The following KCNH1 variants were observed in gnomAD, a reference collection of about 807,000 sequenced individuals.
KCNH1 encodes the protein voltage-gated delayed rectifier potassium channel KCNH1.
KCNH1 carries 27 observed loss-of-function variants against 69.2 expected under a neutral mutation model. That is an observed-to-expected ratio of 0.39 (90% confidence interval 0.29 to 0.54). KCNH1 has a LOEUF of 0.54. Ranked by LOEUF, KCNH1 falls within the 20% of genes least tolerant of loss-of-function variation. KCNH1 has a pLI of 0.68. For synonymous variants in KCNH1, 456 were observed against 487.7 expected (o/e 0.93, Z 0.86); for missense variants, 798 against 1,261.6 (o/e 0.63, Z 5.57).
At chr1:210,966,926 T>C (rs12140731) in intron 6 of KCNH1, among the ~76,000 whole-genome samples, 9,174 of 152,300 alleles carry the variant, frequency 0.06, 340 homozygotes, top group East Asian at 0.18. Context: ...TGTATGTTTA[T>C]TGTGGCACTG....
intron 6 of KCNH1, among the ~76,000 whole-genome samples, chr1:210,955,633 G>A (rs1023683811): frequency 1.3e-5 from 2 of 152,090 alleles, no homozygotes; most frequent in African/African-American, 4.8e-5. Flanking sequence ...TTGTAAGATG[G>A]ATTCCTAGGT....
intron 7 of KCNH1, among the ~76,000 whole-genome samples, chr1:210,846,911 T>G (rs2102461209): frequency 6.6e-6 from 1 of 152,200 alleles, no homozygotes; most frequent in South Asian, 2.1e-4. Context: ...CATCAAAAAG[T>G]GGGCGAAGGA....
intron 6 of KCNH1, among the ~76,000 whole-genome samples, chr1:211,000,332 A>T (rs921437957): frequency 6.6e-6 from 1 of 152,242 alleles, no homozygotes; most frequent in African/African-American, 2.4e-5. Flanking sequence ...ATACAAAATC[A>T]ATGTGCAAAA....
intron 9 of KCNH1, among the ~76,000 whole-genome samples, chr1:210,783,652 C>T (rs1473731652): frequency 6.6e-6 from 1 of 152,164 alleles, no homozygotes; most frequent in Non-Finnish European, 1.5e-5. Context: ...TAACTTGGAC[C>T]AGGAGGCCAA....
rs190354811 is a variant in KCNH1 at position 210,768,247 on chromosome 1, T to C, written c.2112+7101A>G. On this transcript the variant is annotated intron_variant, in intron 10 of 10. Coordinates refer to ENST00000271751, the MANE Select transcript of KCNH1 (RefSeq NM_172362.3). ...TATCATAATTATAGCCATATAAACA[T>C]TGAAAATTTGCCATGTCAAAGCATG... 1.5e-3 allele frequency among the ~76,000 whole-genome samples: 226 copies of C among 152,322 alleles called. 1 individual carries two copies. Among genetic ancestry groups the C allele is most frequent in the Non-Finnish European group, 2.8e-3 (192 of 68,022 alleles).
chr1:211,125,354 C>T (rs1691759148), intron 1 of KCNH1, among the ~76,000 whole-genome samples: 1 of 152,202 alleles, frequency 6.6e-6, no homozygotes, highest in Non-Finnish European at 1.5e-5. Flanking sequence ...TTGGCCCACA[C>T]AGAGGCTTAA....
intron 2 of KCNH1, among the ~76,000 whole-genome samples, chr1:211,106,970 C>T (rs995475686): frequency 5.3e-5 from 8 of 152,070 alleles, no homozygotes; most frequent in African/African-American, 1.9e-4. Context: ...TCTAAAATGC[C>T]GTAACTTTTG....
intron 6 of KCNH1, among the ~76,000 whole-genome samples, chr1:210,998,686 C>G (rs935069582): frequency 1.3e-5 from 2 of 152,204 alleles, no homozygotes; most frequent in African/African-American, 4.8e-5. Context: ...CAGAACTCTC[C>G]ACCCCAAATC....
In KCNH1 at chr1:211,107,531, T is replaced by C. The variant is rs17188881; in HGVS notation, c.80-154A>G. 0.19 allele frequency among the ~76,000 whole-genome samples: 29,454 copies of C among 152,128 alleles called. 3,076 individuals are homozygous for C. The highest frequency in any genetic ancestry group is 0.23 in the Non-Finnish European group (15,655 of 67,996). ...CAGAAATGTCGCCCTGTAAGGAATATAAAACAACATTGTTTTAGAAGTGAA... is the reference window on the plus strand; with the variant it reads ...CAGAAATGTCGCCCTGTAAGGAATACAAAACAACATTGTTTTAGAAGTGAA... On this transcript the variant is annotated intron_variant, in intron 1 of 10. Transcript: ENST00000271751.
intron 7 of KCNH1, among the ~76,000 whole-genome samples, chr1:210,845,032 A>G (rs554719467): frequency 1.7e-3 from 260 of 152,352 alleles, no homozygotes; most frequent in Non-Finnish European, 2.8e-3. Context: ...AACCAGGAAG[A>G]AGTTGAATCT....
intron 9 of KCNH1, among the ~76,000 whole-genome samples, chr1:210,783,225 C>T (rs1053413941): frequency 6.6e-6 from 1 of 152,140 alleles, no homozygotes; most frequent in Non-Finnish European, 1.5e-5. Context: ...GCAAAGGAAA[C>T]GCAAGGTTCC....
intron 6 of KCNH1, among the ~76,000 whole-genome samples, chr1:210,961,273 G>T (rs191786354): frequency 1.7e-3 from 253 of 151,798 alleles, no homozygotes; most frequent in Middle Eastern, 3.4e-3. Context: ...CCCAGCATGA[G>T]GCTTGTCTTT....
At chr1:211,096,313 C>T (rs1263940874) in intron 3 of KCNH1, among the ~76,000 whole-genome samples, 2 of 152,166 alleles carry the variant, frequency 1.3e-5, no homozygotes, top group Non-Finnish European at 2.9e-5. Context: ...ATCTGCCCGC[C>T]TTGGCCTCCC....
At chr1:210,974,471 G>A (rs774088044) in intron 6 of KCNH1, among the ~76,000 whole-genome samples, 3 of 151,550 alleles carry the variant, frequency 2.0e-5, no homozygotes, top group Non-Finnish European at 4.4e-5. Flanking sequence ...TAAGAATATT[G>A]GCTTGTTGTT....
At chr1:210,958,763 G>T (rs1688239086) in intron 6 of KCNH1, among the ~76,000 whole-genome samples, 1 of 152,156 alleles carries the variant, frequency 6.6e-6, no homozygotes, top group Non-Finnish European at 1.5e-5. Flanking sequence ...ACTCCATCAG[G>T]TCATTTAGGG....
chr1:211,102,838 A>G (rs1199098564), intron 3 of KCNH1, among the ~76,000 whole-genome samples: 1 of 152,242 alleles, frequency 6.6e-6, no homozygotes, highest in Non-Finnish European at 1.5e-5. Context: ...TTTAAAAAAC[A>G]GAAACAAACC....
intron 6 of KCNH1, among the ~76,000 whole-genome samples, chr1:211,006,171 C>A (rs962824346): frequency 6.6e-6 from 1 of 152,136 alleles, no homozygotes; most frequent in Non-Finnish European, 1.5e-5. Context: ...TCAATGCAAC[C>A]ACTTTGGACA....
chr1:210,728,364 A>G (rs939073962), intron 10 of KCNH1, among the ~76,000 whole-genome samples: 1 of 152,218 alleles, frequency 6.6e-6, no homozygotes. Context: ...TGAATAGTGA[A>G]ATGAATAAAT....
At chr1:210,717,806 A>G (rs1432210629) in intron 10 of KCNH1, among the ~76,000 whole-genome samples, 2 of 152,168 alleles carry the variant, frequency 1.3e-5, no homozygotes, top group Non-Finnish European at 2.9e-5. Context: ...TAAAAAGTCA[A>G]AAGAAATAGG....
Sources: gnomAD v4.1 joint callset for allele counts (sites outside exome capture counted in the v4.1 genomes callset) on GRCh38, gnomAD v4.1.1 for gene constraint, MANE v1.5 for transcripts, NCBI Gene and HGNC (gene_info 2026-07-23, HGNC 2026-07-21) for gene names.